The following FTCDNL1 variants were observed in gnomAD, a reference collection of about 807,000 sequenced individuals.
FTCDNL1 encodes formiminotransferase N-terminal subdomain-containing protein.
In FTCDNL1, 11 loss-of-function variants were observed where a neutral mutation model predicts 5.9. The observed-to-expected ratio is 1.87, with a 90% CI of 1.18 to 3.10. FTCDNL1 has a LOEUF of 3.10. Ranked by LOEUF, FTCDNL1 falls within the 30% of genes most tolerant of loss-of-function variation. The pLI, the probability that FTCDNL1 is intolerant of heterozygous loss-of-function variation, is 0.00. For synonymous variants in FTCDNL1, 58 were observed against 24.8 expected (o/e 2.34, Z -3.99); for missense variants, 115 against 65.5 (o/e 1.76, Z -2.61).
At chr2:199,738,364 T>C in the FTCDNL1 span, among the ~76,000 whole-genome samples, 1 of 152,216 alleles carries the variant, frequency 6.6e-6, no homozygotes, top group African/African-American at 2.4e-5. Flanking sequence ...CATTATTTTA[T>C]TTGAAAGCCA....
At chr2:199,801,474 C>A (rs1700446642) in intron 3 of FTCDNL1, among the ~76,000 whole-genome samples, 1 of 151,868 alleles carries the variant, frequency 6.6e-6, no homozygotes, top group African/African-American at 2.4e-5. Flanking sequence ...TGGTGAGACT[C>A]CGTCTCTATC....
chr2:199,847,166 C>A (rs1360136422), intron 2 of FTCDNL1, among the ~76,000 whole-genome samples: 2 of 151,890 alleles, frequency 1.3e-5, no homozygotes, highest in Non-Finnish European at 2.9e-5. Flanking sequence ...GATTCCTTTA[C>A]CTAAGACCTT....
At chr2:199,732,924 G>T in the FTCDNL1 span, among the ~76,000 whole-genome samples, 4 of 152,146 alleles carry the variant, frequency 2.6e-5, no homozygotes, top group Non-Finnish European at 5.9e-5. Context: ...TTATTTAAAA[G>T]ACTAGCATGA....
chr2:199,723,060 CT>C, the FTCDNL1 span, among the ~76,000 whole-genome samples: 15 of 152,082 alleles, frequency 9.9e-5, no homozygotes, highest in South Asian at 3.1e-3. Context: ...AACCCATCAC[CT>C]AAATATTAAG....
At chr2:199,735,229 TA>T in the FTCDNL1 span, among the ~76,000 whole-genome samples, 2 of 151,908 alleles carry the variant, frequency 1.3e-5, no homozygotes, top group Non-Finnish European at 2.9e-5. Context: ...TTGTAAAAGA[TA>T]ATCAGCTCTA....
At chr2:199,753,883 G>C in the FTCDNL1 span, among the ~76,000 whole-genome samples, 1 of 152,210 alleles carries the variant, frequency 6.6e-6, no homozygotes. Context: ...GAAGGGAAAA[G>C]GGAATTTAAC....
the FTCDNL1 span, among the ~76,000 whole-genome samples, chr2:199,693,629 C>A: frequency 6.6e-6 from 1 of 152,136 alleles, no homozygotes; most frequent in African/African-American, 2.4e-5. Flanking sequence ...GCACCTAGAC[C>A]TGGTTCTATT....
intron 3 of FTCDNL1, among the ~76,000 whole-genome samples, chr2:199,830,830 G>C (rs1424116332): frequency 6.6e-6 from 1 of 152,136 alleles, no homozygotes; most frequent in African/African-American, 2.4e-5. Context: ...ATGCTGACTA[G>C]AACTGGATGT....
At position 199,811,326 on chromosome 2, in the gene FTCDNL1, A is replaced by G. The variant is rs1442945824; in HGVS notation, c.*1379T>C. On this transcript the variant is annotated 3_prime_UTR_variant, in exon 5 of 5. Coordinates refer to ENST00000420128, the MANE Select transcript of FTCDNL1 (RefSeq NM_001363886.2). ...ACTTCCAAACATTTTTCTCTCATTT[A>G]CCCCCCAATAAGTCATGTTACAAAT... Among the ~76,000 whole-genome samples the G allele has an allele frequency of 6.6e-6, 1 of 151,970 alleles. No homozygotes were observed. The highest frequency in any genetic ancestry group is 1.9e-4 in the East Asian group (1 of 5,192).
At chr2:199,700,455 G>A in the FTCDNL1 span, among the ~76,000 whole-genome samples, 1 of 152,140 alleles carries the variant, frequency 6.6e-6, no homozygotes, top group Non-Finnish European at 1.5e-5. Context: ...AGAATGAGTA[G>A]TGTAAAAATG....
intron 3 of FTCDNL1, among the ~76,000 whole-genome samples, chr2:199,783,691 TAGGTG>T (rs1699484490): frequency 6.6e-6 from 1 of 152,130 alleles, no homozygotes; most frequent in Admixed American, 6.5e-5. Flanking sequence ...CTACCCATGT[TAGGTG>T]GGTCCAGCAG....
intron 3 of FTCDNL1, among the ~76,000 whole-genome samples, chr2:199,792,538 T>C (rs1419724487): frequency 6.6e-6 from 1 of 152,184 alleles, no homozygotes; most frequent in Admixed American, 6.5e-5. Flanking sequence ...CAAATTTCTG[T>C]ACCTTTCGTG....
the FTCDNL1 span, among the ~76,000 whole-genome samples, chr2:199,721,790 G>A: frequency 3.3e-5 from 5 of 152,230 alleles, no homozygotes; most frequent in East Asian, 9.7e-4. Flanking sequence ...AGCATCTGTT[G>A]TTTCTTGACT....
chr2:199,710,086 G>T, the FTCDNL1 span, among the ~76,000 whole-genome samples: 2 of 152,108 alleles, frequency 1.3e-5, no homozygotes, highest in African/African-American at 4.8e-5. Flanking sequence ...AAATTGAGTT[G>T]CCCAAAGTGC....
rs376496499 is a variant in FTCDNL1 at position 199,763,645 on chromosome 2, A to C, written c.212-2810T>G. Among the ~76,000 whole-genome samples the C allele has an allele frequency of 3.4e-3, 519 of 152,238 alleles. 10 individuals are homozygous for C. The highest frequency in any genetic ancestry group is 0.012 in the African/African-American group (508 of 41,536). On this transcript the variant is annotated intron_variant, in intron 3 of 3. Coordinates refer to the FTCDNL1 transcript ENST00000416668. ...ACAACTTGGGGATTTGAATGCCGAG[A>C]CTATTTCATAGGGAAGGACCTCTCC...
the FTCDNL1 span, among the ~76,000 whole-genome samples, chr2:199,753,918 A>C: frequency 1.3e-5 from 2 of 152,222 alleles, no homozygotes; most frequent in African/African-American, 4.8e-5. Flanking sequence ...TTATGATTGG[A>C]TCTTTCTACA....
chr2:199,768,980 C>A (rs897687486), intron 3 of FTCDNL1, among the ~76,000 whole-genome samples: 12 of 152,162 alleles, frequency 7.9e-5, no homozygotes, highest in African/African-American at 2.9e-4. Flanking sequence ...CACCCACACT[C>A]CTGCAGCAAT....
chr2:199,738,356 T>C, the FTCDNL1 span, among the ~76,000 whole-genome samples: 1 of 152,202 alleles, frequency 6.6e-6, no homozygotes, highest in Non-Finnish European at 1.5e-5. Context: ...ACGTAAAGCA[T>C]TATTTTATTT....
downstream of FTCDNL1, among the ~76,000 whole-genome samples, chr2:199,805,028 G>A (rs144631860): frequency 1.3e-5 from 2 of 152,302 alleles, no homozygotes; most frequent in African/African-American, 2.4e-5. Flanking sequence ...CTGCCCAGCT[G>A]ATGCTGGGGC....
Sources: allele counts gnomAD v4.1 joint callset (sites outside exome capture counted in the v4.1 genomes callset), GRCh38; gene constraint gnomAD v4.1.1; transcripts MANE v1.5; gene names NCBI Gene and HGNC (gene_info 2026-07-23, HGNC 2026-07-21).